The following SKA2 variants were observed in gnomAD, a reference collection of about 807,000 sequenced individuals.
The protein encoded by SKA2 is spindle and kinetochore associated complex subunit 2.
SKA2 carries 13 observed loss-of-function variants against 16.9 expected under a neutral mutation model. The ratio of observed to expected loss-of-function variants is 0.77; its 90% CI spans 0.50 to 1.22. The LOEUF (loss-of-function observed/expected upper bound fraction) is 1.22, where lower values mean the gene tolerates loss of function less well. Among genes scored for constraint, SKA2 ranks in the 50% most tolerant of loss-of-function variants. The pLI is 0.00. For synonymous variants in SKA2, 47 were observed against 48.5 expected, an observed-to-expected ratio of 0.97 and a Z score of 0.13; for missense variants, 107 against 139.7, an observed-to-expected ratio of 0.77 and a Z score of 1.18.
chr17:59,153,437 C>CCA (rs140443840), intron 1 of SKA2, among the ~76,000 whole-genome samples: 2,844 of 152,156 alleles, frequency 0.019, 88 homozygotes, highest in African/African-American at 0.065. Context: ...TTCTCCAACC[C>CCA]CACACACACT....
intron 1 of SKA2, among the ~76,000 whole-genome samples, chr17:59,148,808 C>CAA (rs758187008): frequency 0.011 from 540 of 46,964 alleles, 10 homozygotes; most frequent in Middle Eastern, 0.034. Flanking sequence ...GACCCTGTCT[C>CAA]AAAAAAAAAA....
chr17:59,138,819 A>G (rs1487371441), intron 1 of SKA2, among the ~76,000 whole-genome samples: 1 of 152,166 alleles, frequency 6.6e-6, no homozygotes, highest in African/African-American at 2.4e-5. Flanking sequence ...TTAGGCAGCA[A>G]GGAGAAAAGA....
chr17:59,131,449 A>T (rs2046411350), intron 1 of SKA2, 82 bp from the exon 2 acceptor site: 1 of 870,918 alleles, frequency 1.1e-6, no homozygotes, highest in African/African-American at 1.7e-5. Flanking sequence ...TTCTCTTTAC[A>T]TTTGTTAGTA....
At chr17:59,135,173 T>C (rs1037283075) in intron 1 of SKA2, among the ~76,000 whole-genome samples, 1 of 151,950 alleles carries the variant, frequency 6.6e-6, no homozygotes, top group African/African-American at 2.4e-5. Context: ...TTTCCTGCAA[T>C]ACCTAGGGGC....
At chr17:59,153,996 T>C (rs1813664166) in intron 1 of SKA2, among the ~76,000 whole-genome samples, 1 of 151,172 alleles carries the variant, frequency 6.6e-6, no homozygotes, top group African/African-American at 2.4e-5. Flanking sequence ...AGTCTCAATG[T>C]CTTGACCTCT....
At chr17:59,144,258 A>AT (rs113750581) in intron 1 of SKA2, among the ~76,000 whole-genome samples, 117 of 151,286 alleles carry the variant, frequency 7.7e-4, no homozygotes, top group African/African-American at 1.4e-3. Flanking sequence ...AAAAAAAAAA[A>AT]GACAAGTGTT....
intron 2 of SKA2, among the ~76,000 whole-genome samples, chr17:59,130,491 A>C (rs1379250761): frequency 6.6e-6 from 1 of 150,414 alleles, no homozygotes; most frequent in African/African-American, 2.4e-5. Context: ...TTAGCTGGGC[A>C]TTGTGGCGCA....
At chr17:59,126,920 A>G (rs1438559739) in intron 2 of SKA2, among the ~76,000 whole-genome samples, 1 of 152,216 alleles carries the variant, frequency 6.6e-6, no homozygotes, top group East Asian at 1.9e-4. Flanking sequence ...ATTCAATGGA[A>G]TATTATTCCA....
intron 1 of SKA2, among the ~76,000 whole-genome samples, chr17:59,151,977 G>A (rs1036177577): frequency 2.0e-5 from 3 of 152,156 alleles, no homozygotes; most frequent in Admixed American, 1.3e-4. Context: ...AAATAATGAT[G>A]GGGGGAGGTG....
intron 2 of SKA2, among the ~76,000 whole-genome samples, chr17:59,124,996 G>GTTT (rs2046361480): frequency 6.9e-6 from 1 of 144,956 alleles, no homozygotes. Flanking sequence ...TTTTTGAGAT[G>GTTT]GAGTTTCGCT....
chr17:59,140,979 TAG>T (rs1479472998), intron 1 of SKA2, among the ~76,000 whole-genome samples: 2 of 151,756 alleles, frequency 1.3e-5, no homozygotes, highest in East Asian at 3.9e-4. Context: ...TTTTCCTTTG[TAG>T]AGACAGAGTC....
intron 1 of SKA2, chr17:59,137,810 C>T (rs1443671047): frequency 1.9e-6 from 1 of 531,926 alleles, no homozygotes; most frequent in Admixed American, 2.0e-5. Context: ...TATTGCACTA[C>T]TCAGAACTAT....
chr17:59,148,826 A>AAG lies in SKA2; in HGVS notation c.33+6304_33+6305insCT, dbSNP rs1555713595. Among the ~76,000 whole-genome samples the AAG allele has an allele frequency of 8.2e-3, 1,216 of 147,950 alleles. 6 individuals carry two copies. Among genetic ancestry groups the AAG allele is most frequent in the Middle Eastern group, 0.021 (6 of 282 alleles). On this transcript the variant is annotated intron_variant, in intron 1 of 3. Coordinates refer to ENST00000330137, the MANE Select transcript of SKA2 (RefSeq NM_182620.4). ...CCTGTCTCAAAAAAAAAAAAAAAAA[A>AAG]AAAAGAAAAGAAAATAGGCAAAAGA...
intron 2 of SKA2, among the ~76,000 whole-genome samples, chr17:59,125,249 C>CCTCT (rs1386315576): frequency 1.3e-5 from 2 of 149,972 alleles, no homozygotes; most frequent in East Asian, 4.0e-4. Context: ...CCTTGGCCTC[C>CCTCT]CAAAGTGCTG....
intron 3 of SKA2, among the ~76,000 whole-genome samples, chr17:59,115,929 C>T (rs565729028): frequency 6.6e-6 from 1 of 152,262 alleles, no homozygotes; most frequent in South Asian, 2.1e-4. Context: ...TCATAGAATA[C>T]CACATATTCT....
chr17:59,117,276 A>G (rs2046303036), intron 3 of SKA2, among the ~76,000 whole-genome samples: 1 of 152,230 alleles, frequency 6.6e-6, no homozygotes, highest in African/African-American at 2.4e-5. Context: ...CATTTGGATC[A>G]TAAAAATTTA....
chr17:59,110,689 G>A lies in SKA2; in HGVS notation c.*1588C>T, dbSNP rs1399759446. 6.6e-6 allele frequency: 1 copy of A among 151,462 alleles called. No individual in the cohort carries two copies. The highest frequency in any genetic ancestry group is 6.6e-5 in the Admixed American group (1 of 15,140). 9.4% of individuals were successfully genotyped at this position (151,462 alleles called of 1,614,324 possible). A position where few individuals can be genotyped will look rare whatever the true frequency, so the allele number is the denominator to read the frequency against. On this transcript the variant is annotated 3_prime_UTR_variant, in exon 4 of 4. Transcript: ENST00000330137. ...CCTGTAATCCCAGCTACTCGGGAGGGTGGGGCAGAGAACTGCTTGAACCTG... is the reference window on the plus strand; with the variant it reads ...CCTGTAATCCCAGCTACTCGGGAGGATGGGGCAGAGAACTGCTTGAACCTG...
chr17:59,148,447 A>G (rs2147820489), intron 1 of SKA2, among the ~76,000 whole-genome samples: 1 of 152,092 alleles, frequency 6.6e-6, no homozygotes, highest in African/African-American at 2.4e-5. Context: ...TTGAGATAGG[A>G]TGTCACTGTC....
At chr17:59,120,002 A>G (rs1479981251) in intron 2 of SKA2, among the ~76,000 whole-genome samples, 1 of 150,590 alleles carries the variant, frequency 6.6e-6, no homozygotes, top group Admixed American at 6.7e-5. Context: ...TTCACCTCCC[A>G]GGTTCATGCC....
Sources: gnomAD v4.1 joint callset for allele counts (sites outside exome capture counted in the v4.1 genomes callset) on GRCh38, gnomAD v4.1.1 for gene constraint, MANE v1.5 for transcripts, NCBI Gene and HGNC (gene_info 2026-07-23, HGNC 2026-07-21) for gene names.